Variants in FAM78B observed in about 807,000 individuals in gnomAD.
The protein encoded by FAM78B is family with sequence similarity 78 member B.
FAM78B carries 10 observed loss-of-function variants against 20.0 expected under a neutral mutation model. The ratio of observed to expected loss-of-function variants is 0.50; its 90% CI spans 0.31 to 0.85. The LOEUF is 0.85. Ranked by LOEUF, FAM78B falls within the 40% of genes least tolerant of loss-of-function variation. The pLI is 0.05. For missense variants in FAM78B, 283 were observed against 345.0 expected (o/e 0.82, Z 1.42); for synonymous variants, 135 against 132.8 (o/e 1.02, Z -0.12).
rs1432359716 is a variant in FAM78B, at chr1:166,069,422, AAATC to A, written c.*815_*818del. 6.6e-6 allele frequency: 1 copy of A among 152,226 alleles called. No homozygotes were observed. Among genetic ancestry groups the A allele is most frequent in the Non-Finnish European group, 1.5e-5 (1 of 68,034 alleles). 9.4% of individuals were successfully genotyped at this position (152,226 alleles called of 1,614,324 possible). A position where few individuals can be genotyped will look rare whatever the true frequency, so the allele number is the denominator to read the frequency against. On this transcript the variant is annotated 3_prime_UTR_variant, in exon 2 of 2. Coordinates refer to ENST00000354422, the MANE Select transcript of FAM78B (RefSeq NM_001017961.5). ...GGAACAGAATAAGCAGCTGTAAACA[AAATC>A]AAGTTAGTTAGGATTTCACTAAAAC...
At chr1:166,122,819 T>C (rs1487116955) in intron 1 of FAM78B, among the ~76,000 whole-genome samples, 1 of 152,220 alleles carries the variant, frequency 6.6e-6, no homozygotes, top group Non-Finnish European at 1.5e-5. Flanking sequence ...TTTTTCCCCC[T>C]TCTTTGGCCA....
chr1:166,109,890 GTATATATATATA>G lies in FAM78B; in HGVS notation c.264-39139_264-39128del, dbSNP rs1200752162. On this transcript the variant is annotated intron_variant, in intron 1 of 1. Transcript: ENST00000354422. ...TGTGTATATATATATATGTATATAT[GTATATATATATA>G]TATATATATATATATATAATGGAAT... Among the ~76,000 whole-genome samples, 4 of 23,192 alleles carry G rather than the reference GTATATATATATA, an allele frequency of 1.7e-4. 2 individuals are homozygous for G. Among genetic ancestry groups the G allele is most frequent in the African/African-American group, 3.7e-4 (4 of 10,866 alleles). The allele number at this position is 23,192 out of a possible 152,430, so 15.2% of individuals were successfully genotyped here. A position where few individuals can be genotyped will look rare whatever the true frequency, so the allele number is the denominator to read the frequency against.
intron 1 of FAM78B, among the ~76,000 whole-genome samples, chr1:166,137,212 G>T (rs1655099816): frequency 6.6e-6 from 1 of 152,198 alleles, no homozygotes; most frequent in Non-Finnish European, 1.5e-5. Flanking sequence ...TGCTAACCCT[G>T]ATTTTCAGCA....
At chr1:166,132,403 A>C (rs1209809039) in intron 1 of FAM78B, among the ~76,000 whole-genome samples, 2 of 152,140 alleles carry the variant, frequency 1.3e-5, no homozygotes, top group African/African-American at 2.4e-5. Flanking sequence ...TTTATTTTGC[A>C]GTTTCCTTAT....
intron 1 of FAM78B, among the ~76,000 whole-genome samples, chr1:166,142,194 T>C (rs1655305489): frequency 6.6e-6 from 1 of 152,112 alleles, no homozygotes; most frequent in Non-Finnish European, 1.5e-5. Flanking sequence ...TGGAAAACCA[T>C]TATTGGGGAG....
chr1:166,056,936 C>G (rs1469647350), downstream of FAM78B, among the ~76,000 whole-genome samples: 2 of 152,112 alleles, frequency 1.3e-5, no homozygotes, highest in Non-Finnish European at 2.9e-5. Flanking sequence ...GAAGACAGAC[C>G]TCTTGTAAGA....
chr1:166,084,237 A>ACACACTCACTCTCT (rs771421402), intron 1 of FAM78B, among the ~76,000 whole-genome samples: 1 of 125,416 alleles, frequency 8.0e-6, no homozygotes, highest in Non-Finnish European at 1.7e-5. Context: ...ACACACACAC[A>ACACACTCACTCTCT]CTCTCTCTCT....
At chr1:166,082,627 C>T (rs1018985376) in intron 1 of FAM78B, 1 of 152,272 alleles carries the variant, frequency 6.6e-6, no homozygotes. Flanking sequence ...CTGCATGCGT[C>T]CTGAGGACAG....
intron 1 of FAM78B, among the ~76,000 whole-genome samples, chr1:166,084,237 A>ACACACACACACACACTCTCTCT (rs771421402): frequency 1.6e-5 from 2 of 125,416 alleles, no homozygotes; most frequent in Admixed American, 8.3e-5. Flanking sequence ...ACACACACAC[A>ACACACACACACACACTCTCTCT]CTCTCTCTCT....
chr1:166,128,264 C>T (rs747899940), intron 1 of FAM78B, among the ~76,000 whole-genome samples: 1 of 152,128 alleles, frequency 6.6e-6, no homozygotes, highest in Non-Finnish European at 1.5e-5. Context: ...TTATTTCATT[C>T]CTCCTTTATT....
chr1:166,070,728 C>A lies in FAM78B; in HGVS notation c.299G>T (p.Arg100Ile). The A allele has an allele frequency of 1.3e-6, 2 of 1,589,070 alleles. No individual in the cohort carries two copies. Among genetic ancestry groups the A allele is most frequent in the Non-Finnish European group, 1.7e-6 (2 of 1,166,152 alleles). ...ATCTGAGTCACTGATGGCTTTTACTCTCCCTTCCCTCAAGTCAGGCAGTTC... is the reference window on the plus strand; with the variant it reads ...ATCTGAGTCACTGATGGCTTTTACTATCCCTTCCCTCAAGTCAGGCAGTTC... ...SWELPDLREG[R>I]VKAISDSDGV... is the part of the protein sequence containing the mutation. Residue 100 changes from arginine to isoleucine, a missense_variant, in exon 2 of 2, where the codon AGA becomes ATA. Physicochemically the swap from Arg to Ile is moderately conservative, Grantham distance 97. Coordinates refer to ENST00000354422, the MANE Select transcript of FAM78B (RefSeq NM_001017961.5).
intron 1 of FAM78B, among the ~76,000 whole-genome samples, chr1:166,092,552 C>CT (rs902545168): frequency 7.2e-5 from 11 of 152,208 alleles, no homozygotes; most frequent in Non-Finnish European, 1.5e-4. Context: ...AAGCCTCAAG[C>CT]TTCCTTAAGC....
chr1:166,105,701 A>C (rs905862435), intron 1 of FAM78B, among the ~76,000 whole-genome samples: 1 of 152,092 alleles, frequency 6.6e-6, no homozygotes, highest in African/African-American at 2.4e-5. Context: ...AAAAGTCAGG[A>C]AACAACAGGT....
intron 2 of FAM78B, among the ~76,000 whole-genome samples, chr1:166,063,851 A>T (rs548457354): frequency 6.6e-6 from 1 of 152,280 alleles, no homozygotes; most frequent in Admixed American, 6.5e-5. Context: ...CTGACCCAGC[A>T]CTCAGCTGTT....
chr1:166,106,667 T>A (rs147945766), intron 1 of FAM78B, among the ~76,000 whole-genome samples: 2 of 151,884 alleles, frequency 1.3e-5, no homozygotes, highest in Non-Finnish European at 2.9e-5. Flanking sequence ...GAGCTAAACA[T>A]TGGGTACTCA....
intron 1 of FAM78B, among the ~76,000 whole-genome samples, chr1:166,127,116 C>A (rs1246975066): frequency 6.6e-6 from 1 of 152,212 alleles, no homozygotes; most frequent in Non-Finnish European, 1.5e-5. Context: ...ATGTCAGTAT[C>A]CTCACCTGAA....
At chr1:166,093,901 G>A (rs1191110146) in intron 1 of FAM78B, among the ~76,000 whole-genome samples, 1 of 152,044 alleles carries the variant, frequency 6.6e-6, no homozygotes, top group Non-Finnish European at 1.5e-5. Flanking sequence ...CTGCTGCAGA[G>A]GGACTTGCAT....
chr1:166,070,168 TCCTGCCACC>T lies in FAM78B; in HGVS notation c.*64_*72del, dbSNP rs1651962405. 1 of 1,434,302 alleles carries T rather than the reference TCCTGCCACC, an allele frequency of 7.0e-7. No individual in the cohort carries two copies. The highest frequency in any genetic ancestry group is 2.3e-5 in the East Asian group (1 of 42,602). The allele number at this position is 1,434,302 out of a possible 1,614,324, so 88.8% of individuals were successfully genotyped here. A position where few individuals can be genotyped will look rare whatever the true frequency, so the allele number is the denominator to read the frequency against. Reference sequence around the variant, plus strand: ...CTTTGGCTCAGAAACTCTGTTTGGCTCCTGCCACCCCTGGCACCCTCACTGCATGTCTCA... The same window carrying T: ...CTTTGGCTCAGAAACTCTGTTTGGCTCCTGGCACCCTCACTGCATGTCTCA... On this transcript the variant is annotated 3_prime_UTR_variant, in exon 2 of 2. Transcript: ENST00000354422.
Position 166,110,249 on chromosome 1 carries a change from C to T in FAM78B, c.264-39486G>A, listed in dbSNP as rs1331436793. On this transcript the variant is annotated intron_variant, in intron 1 of 1. Transcript: ENST00000354422. ...CATGTAACCCAATACCACCTGTACC[C>T]CAATAACTTAAGAAAAAAATATTAA... Among the ~76,000 whole-genome samples, 3 of 151,568 alleles carry T rather than the reference C, an allele frequency of 2.0e-5. No homozygotes were observed. The East Asian group carries it at 5.9e-4, about 30-fold the overall frequency.
Sources: gnomAD v4.1 joint callset for allele counts (sites outside exome capture counted in the v4.1 genomes callset) on GRCh38, gnomAD v4.1.1 for gene constraint, MANE v1.5 for transcripts, NCBI Gene and HGNC (gene_info 2026-07-23, HGNC 2026-07-21) for gene names.